The following TNFSF13B variants were observed in gnomAD, a reference collection of about 807,000 sequenced individuals.
TNFSF13B encodes tumor necrosis factor ligand superfamily member 13B.
A neutral mutation model predicts 29.1 loss-of-function variants in TNFSF13B; 8 were observed. That is an observed-to-expected ratio of 0.27 (90% CI 0.16 to 0.50). The LOEUF is 0.50. Among genes scored for constraint, TNFSF13B ranks in the 20% least tolerant of loss-of-function variants. TNFSF13B has a pLI of 0.98. For synonymous variants in TNFSF13B, 125 were observed against 130.8 expected (o/e 0.96, Z 0.30); for missense variants, 248 against 334.9 (o/e 0.74, Z 2.03).
intron 2 of TNFSF13B, among the ~76,000 whole-genome samples, chr13:108,282,630 A>T (rs1200412128): frequency 6.6e-6 from 1 of 152,104 alleles, no homozygotes; most frequent in Non-Finnish European, 1.5e-5. Flanking sequence ...TATTTTGTAA[A>T]CATTTTGTGA....
chr13:108,303,660 A>G, intron 5 of TNFSF13B, 56 bp downstream of exon 5: 1 of 1,546,128 alleles, frequency 6.5e-7, no homozygotes, highest in Non-Finnish European at 8.7e-7. Context: ...TTTGACGAAA[A>G]ATCTGAGCTG....
chr13:108,306,961 C>A lies in TNFSF13B; in HGVS notation c.*23C>A. 8.4e-7 allele frequency: 1 copy of A among 1,195,538 alleles called. No individual in the cohort carries two copies. The highest frequency in any genetic ancestry group is 1.2e-6 in the Non-Finnish European group (1 of 860,916). The allele number at this position is 1,195,538 out of a possible 1,614,324, so 74.1% of individuals were successfully genotyped here. A position where few individuals can be genotyped will look rare whatever the true frequency, so the allele number is the denominator to read the frequency against. Reference sequence around the variant, plus strand: ...TGACCTACTTACACCATGTCTGTAGCTATTTTCCTCCCTTTCTCTGTACCT... The same window carrying A: ...TGACCTACTTACACCATGTCTGTAGATATTTTCCTCCCTTTCTCTGTACCT... On this transcript the variant is annotated 3_prime_UTR_variant, in exon 6 of 6. Transcript: ENST00000375887.
intron 5 of TNFSF13B, among the ~76,000 whole-genome samples, chr13:108,304,382 T>A (rs1238936286): frequency 6.6e-6 from 1 of 152,190 alleles, no homozygotes; most frequent in Admixed American, 6.5e-5. Flanking sequence ...CTTGTGTCAG[T>A]GGACACCAGA....
chr13:108,306,120 T>G (rs1881769084), intron 5 of TNFSF13B, among the ~76,000 whole-genome samples: 1 of 152,150 alleles, frequency 6.6e-6, no homozygotes, highest in Non-Finnish European at 1.5e-5. Context: ...TTTGTATTAC[T>G]AATTCACAGA....
chr13:108,301,654 G>A (rs1278065317), intron 3 of TNFSF13B, among the ~76,000 whole-genome samples: 2 of 152,152 alleles, frequency 1.3e-5, no homozygotes, highest in Admixed American at 6.6e-5. Flanking sequence ...GGGGGTGGAG[G>A]TGAAAAGACG....
intron 2 of TNFSF13B, among the ~76,000 whole-genome samples, chr13:108,284,731 A>G (rs1881073619): frequency 6.6e-6 from 1 of 152,194 alleles, no homozygotes; most frequent in African/African-American, 2.4e-5. Flanking sequence ...TGGAGGAAAG[A>G]TGAGAGCTTT....
chr13:108,294,665 T>C lies in TNFSF13B; in HGVS notation c.481+7806T>C, dbSNP rs1398394679. ...TTACCTTTATATTCATGGTTGATTC[T>C]GGCCTGTAGTTTTTTGTGGTGTCTT... On this transcript the variant is annotated intron_variant, in intron 3 of 5. Coordinates refer to ENST00000375887, the MANE Select transcript of TNFSF13B (RefSeq NM_006573.5). Among the ~76,000 whole-genome samples the C allele has an allele frequency of 4.1e-5, 6 of 148,026 alleles. No homozygotes were observed. The East Asian group carries it at 1.2e-3, about 28-fold the overall frequency.
intron 5 of TNFSF13B, among the ~76,000 whole-genome samples, chr13:108,304,541 G>A (rs1376944643): frequency 6.6e-6 from 1 of 152,122 alleles, no homozygotes; most frequent in Non-Finnish European, 1.5e-5. Flanking sequence ...TTTCAAGGGT[G>A]ATTTAAAATT....
At chr13:108,272,941 C>A (rs1880661204) in intron 2 of TNFSF13B, among the ~76,000 whole-genome samples, 2 of 152,012 alleles carry the variant, frequency 1.3e-5, no homozygotes, top group South Asian at 4.1e-4. Context: ...TCTTGGGTCA[C>A]ATTTTCCCAA....
At chr13:108,271,369 T>C (rs1880607966) in intron 2 of TNFSF13B, among the ~76,000 whole-genome samples, 1 of 151,166 alleles carries the variant, frequency 6.6e-6, no homozygotes, top group Non-Finnish European at 1.5e-5. Flanking sequence ...ATACATGCAA[T>C]AATTTATGTA....
chr13:108,281,250 A>AT (rs1880946314), intron 2 of TNFSF13B, among the ~76,000 whole-genome samples: 1 of 152,200 alleles, frequency 6.6e-6, no homozygotes. Flanking sequence ...TCAAAAAAAA[A>AT]GAAAAAGAAA....
intron 3 of TNFSF13B, among the ~76,000 whole-genome samples, chr13:108,292,824 A>G (rs1881359171): frequency 6.6e-6 from 1 of 152,080 alleles, no homozygotes; most frequent in Admixed American, 6.6e-5. Context: ...TGGATACAAG[A>G]CCCTTATCAA....
chr13:108,307,016 C>CAAAA lies in TNFSF13B; in HGVS notation c.*106_*109dup, dbSNP rs58093140. ...GAAGAAAGAATCTAACTGAAAATAC[C>CAAAA]AAAAAAAAAAAAAAAAAAAAAAAAA... is the stretch of plus-strand genomic sequence containing the variant. On this transcript the variant is annotated 3_prime_UTR_variant, in exon 6 of 6. Transcript: ENST00000375887. 47 of 76,682 alleles carry CAAAA rather than the reference C, an allele frequency of 6.1e-4. No individual in the cohort carries two copies. The highest frequency in any genetic ancestry group is 8.3e-4 in the Non-Finnish European group (34 of 40,972). The allele number at this position is 76,682 out of a possible 1,614,324, so 4.8% of individuals were successfully genotyped here.
chr13:108,271,591 T>C (rs1427396769), intron 2 of TNFSF13B, among the ~76,000 whole-genome samples: 4 of 152,190 alleles, frequency 2.6e-5, no homozygotes, highest in Admixed American at 2.0e-4. Flanking sequence ...TATCTGGTTA[T>C]TGTATCTTTA....
At chr13:108,303,159 A>T in intron 3 of TNFSF13B, 94 bp from the exon 4 acceptor site, 5 of 786,788 alleles carry the variant, frequency 6.4e-6, no homozygotes, top group Non-Finnish European at 9.8e-6. Flanking sequence ...GGATGGAATT[A>T]TCTTCTAAGT....
Position 108,307,013 on chromosome 13 carries a change from T to C in TNFSF13B, c.*75T>C. 7.5e-5 allele frequency: 2 copies of C among 26,802 alleles called. No homozygotes were observed. Among genetic ancestry groups the C allele is most frequent in the Non-Finnish European group, 6.7e-5 (1 of 14,920 alleles). The allele number at this position is 26,802 out of a possible 1,614,324, so 1.7% of individuals were successfully genotyped here. ...TAAGAAGAAAGAATCTAACTGAAAA[T>C]ACCAAAAAAAAAAAAAAAAAAAAAA... On this transcript the variant is annotated 3_prime_UTR_variant, in exon 6 of 6. Coordinates refer to ENST00000375887, the MANE Select transcript of TNFSF13B (RefSeq NM_006573.5).
intron 3 of TNFSF13B, among the ~76,000 whole-genome samples, chr13:108,295,663 A>G (rs1411185849): frequency 2.1e-5 from 3 of 145,316 alleles, no homozygotes; most frequent in African/African-American, 7.8e-5. Context: ...TAACATAGGC[A>G]TTTACAGTTG....
intron 2 of TNFSF13B, among the ~76,000 whole-genome samples, chr13:108,283,927 A>G (rs1452321340): frequency 6.6e-6 from 1 of 152,184 alleles, no homozygotes; most frequent in Non-Finnish European, 1.5e-5. Context: ...TCCTAATAGC[A>G]TCACCTCAGC....
chr13:108,308,369 A>C lies in TNFSF13B; in HGVS notation c.*1431A>C, dbSNP rs913925073. 1.3e-5 allele frequency: 2 copies of C among 152,120 alleles called. No homozygotes were observed. Among genetic ancestry groups the C allele is most frequent in the African/African-American group, 4.8e-5 (2 of 41,448 alleles). The allele number at this position is 152,120 out of a possible 1,614,324, so 9.4% of individuals were successfully genotyped here. A position where few individuals can be genotyped will look rare whatever the true frequency, so the allele number is the denominator to read the frequency against. Reference sequence around the variant, plus strand: ...ATTCATTTTTACATTATAATTTAAAAAGAAGAAGCGATAAGTGGAGTCAGT... The same window carrying C: ...ATTCATTTTTACATTATAATTTAAACAGAAGAAGCGATAAGTGGAGTCAGT... On this transcript the variant is annotated 3_prime_UTR_variant, in exon 6 of 6. Transcript: ENST00000375887.
Sources: gnomAD v4.1 joint callset for allele counts (sites outside exome capture counted in the v4.1 genomes callset) on GRCh38, gnomAD v4.1.1 for gene constraint, MANE v1.5 for transcripts, NCBI Gene and HGNC (gene_info 2026-07-23, HGNC 2026-07-21) for gene names.